GRB10: variants seen among roughly 807,000 people sequenced by gnomAD.
The protein encoded by GRB10 is growth factor receptor bound protein 10, also known as growth factor receptor-bound protein 10.
A neutral mutation model predicts 80.9 loss-of-function variants in GRB10; 20 were observed. The observed-to-expected ratio is 0.25, with a 90% confidence interval of 0.17 to 0.36. The LOEUF (loss-of-function observed/expected upper bound fraction) is 0.36, where lower values mean the gene tolerates loss of function less well. GRB10 is among the 10% of genes least tolerant of loss of function. The probability of loss-of-function intolerance (pLI) is 1.00; values close to 1 mark genes in which losing one functional copy is unlikely to be tolerated. For synonymous variants in GRB10, 291 were observed against 291.5 expected, an observed-to-expected ratio of 1.00 and a Z score of 0.02; for missense variants, 548 against 747.7, an observed-to-expected ratio of 0.73 and a Z score of 3.12.
chr7:50,776,618 T>C (rs1420891752), intron 2 of GRB10, among the ~76,000 whole-genome samples: 3 of 152,226 alleles, frequency 2.0e-5, no homozygotes, highest in East Asian at 1.9e-4. Context: ...CTGAATACTA[T>C]GCTCACGGAT....
At chr7:50,641,895 A>C (rs2056330107) in intron 7 of GRB10, among the ~76,000 whole-genome samples, 1 of 152,142 alleles carries the variant, frequency 6.6e-6, no homozygotes, top group African/African-American at 2.4e-5. Context: ...GGCGCCGAGG[A>C]GGCAAGGGCG....
intron 2 of GRB10, among the ~76,000 whole-genome samples, chr7:50,760,646 AGTGT>A (rs1288161815): frequency 3.9e-5 from 6 of 152,238 alleles, no homozygotes; most frequent in Non-Finnish European, 8.8e-5. Context: ...TAGTTAAAAT[AGTGT>A]GTACTTGGCA....
chr7:50,676,215 G>A (rs1193766341), intron 5 of GRB10, among the ~76,000 whole-genome samples: 1 of 151,708 alleles, frequency 6.6e-6, no homozygotes, highest in Non-Finnish European at 1.5e-5. Flanking sequence ...ACCGGCACTT[G>A]CAAACTTGCT....
rs868677835 is a variant in GRB10, at chr7:50,619,353, T to G, written c.662-68A>C. On this transcript the variant is annotated intron_variant, in intron 8 of 18. Coordinates refer to ENST00000401949, the MANE Select transcript of GRB10 (RefSeq NM_001350814.2). ...AATTCATGGTAGCTTTACAACCAAA[T>G]GGAAGATTTGTTCAACTTTCTATTC... The G allele has an allele frequency of 2.8e-4, 255 of 896,556 alleles. 1 individual carries two copies. Among genetic ancestry groups the G allele is most frequent in the Middle Eastern group, 4.2e-4 (2 of 4,708 alleles). 55.5% of individuals were successfully genotyped at this position (896,556 alleles called of 1,614,324 possible).
At chr7:50,698,696 A>G (rs1390958276) in intron 5 of GRB10, among the ~76,000 whole-genome samples, 1 of 152,234 alleles carries the variant, frequency 6.6e-6, no homozygotes, top group African/African-American at 2.4e-5. Flanking sequence ...TAGTTGTGAT[A>G]CCACATAAGA....
At chr7:50,742,271 G>GCGCACACACACACACACA (rs1189043181) in intron 3 of GRB10, among the ~76,000 whole-genome samples, 1 of 46,866 alleles carries the variant, frequency 2.1e-5, no homozygotes, top group Non-Finnish European at 5.1e-5. Context: ...ACGCGCGCGC[G>GCGCACACACACACACACA]CACACACACA....
chr7:50,602,836 A>G (rs534746394), intron 17 of GRB10, among the ~76,000 whole-genome samples: 1 of 152,202 alleles, frequency 6.6e-6, no homozygotes, highest in Non-Finnish European at 1.5e-5. Flanking sequence ...TTATTTTTTT[A>G]GAGACAGGCA....
intron 3 of GRB10, among the ~76,000 whole-genome samples, chr7:50,749,116 TGTTTTGTTTTTTTGTTTG>T (rs1476205587): frequency 4.9e-5 from 4 of 81,780 alleles, no homozygotes; most frequent in African/African-American, 1.1e-4. Flanking sequence ...TTTTTTGTTT[TGTTTTGTTTTTTTGTTTG>T]TTTTTTTTTT....
intron 7 of GRB10, among the ~76,000 whole-genome samples, chr7:50,641,629 G>A (rs750710870): frequency 1.1e-4 from 17 of 152,234 alleles, no homozygotes; most frequent in Non-Finnish European, 4.4e-5. Context: ...CCCTGCAGCT[G>A]TGCAAAGTTG....
intron 3 of GRB10, 35 bp from the exon 4 acceptor site, chr7:50,732,403 G>GAA (rs796741671): frequency 1.8e-3 from 1,631 of 908,636 alleles, no homozygotes; most frequent in Middle Eastern, 2.3e-3. Flanking sequence ...AGCCAAGCCA[G>GAA]AAAAAAAAAA....
chr7:50,594,025 A>C (rs953469976), intron 18 of GRB10, among the ~76,000 whole-genome samples: 10 of 151,448 alleles, frequency 6.6e-5, no homozygotes, highest in African/African-American at 1.2e-4. Context: ...AATGTCAATC[A>C]CTTTTCATTT....
chr7:50,742,269 GCGCACACACACA>G (rs1323025118), intron 3 of GRB10, among the ~76,000 whole-genome samples: 1,525 of 32,698 alleles, frequency 0.047, 31 homozygotes, highest in African/African-American at 0.053. Flanking sequence ...GCACGCGCGC[GCGCACACACACA>G]CACACACACA....
intron 7 of GRB10, among the ~76,000 whole-genome samples, chr7:50,649,271 G>A (rs2057684031): frequency 6.6e-6 from 1 of 152,224 alleles, no homozygotes. Context: ...AGCAAGTGCT[G>A]TGTCAGAGGG....
intron 6 of GRB10, among the ~76,000 whole-genome samples, chr7:50,671,288 T>C (rs1339896050): frequency 6.6e-6 from 1 of 152,186 alleles, no homozygotes; most frequent in African/African-American, 2.4e-5. Flanking sequence ...ATAGGCTGTG[T>C]CCTCAAGTAA....
intron 6 of GRB10, among the ~76,000 whole-genome samples, chr7:50,670,139 G>A (rs2715111): frequency 0.56 from 85,510 of 151,866 alleles, 24,520 homozygotes; most frequent in African/African-American, 0.65. Flanking sequence ...GCTACGACAC[G>A]GATGAACCCT....
At chr7:50,691,462 G>C (rs1416813464) in intron 5 of GRB10, among the ~76,000 whole-genome samples, 1 of 152,162 alleles carries the variant, frequency 6.6e-6, no homozygotes, top group Non-Finnish European at 1.5e-5. Flanking sequence ...TACCTCATAG[G>C]ATAGGTAGAT....
chr7:50,748,929 T>C (rs2153699975), intron 3 of GRB10, among the ~76,000 whole-genome samples: 1 of 152,314 alleles, frequency 6.6e-6, no homozygotes. Flanking sequence ...TCAGAACCTC[T>C]ACTTTATAAA....
chr7:50,674,753 A>G, intron 5 of GRB10, 95 bp from the exon 6 acceptor site: 2 of 1,028,532 alleles, frequency 1.9e-6, no homozygotes, highest in Non-Finnish European at 3.0e-6. Flanking sequence ...CCAAACCTCA[A>G]TCCTATTTTT....
chr7:50,613,573 T>A (rs945402664), intron 12 of GRB10, among the ~76,000 whole-genome samples: 1 of 152,082 alleles, frequency 6.6e-6, no homozygotes, highest in Non-Finnish European at 1.5e-5. Context: ...CAGCTCTCCC[T>A]CCCAAGAATC....
Sources: allele counts gnomAD v4.1 joint callset (sites outside exome capture counted in the v4.1 genomes callset), GRCh38; gene constraint gnomAD v4.1.1; transcripts MANE v1.5; gene names NCBI Gene and HGNC (gene_info 2026-07-23, HGNC 2026-07-21).